Variants in DYSF observed in about 807,000 individuals in gnomAD.
DYSF encodes dysferlin.
In DYSF, 212 loss-of-function variants were observed where a neutral mutation model predicts 274.9. The ratio of observed to expected loss-of-function variants is 0.77; its 90% CI spans 0.69 to 0.86. The LOEUF (loss-of-function observed/expected upper bound fraction) is 0.86, where lower values mean the gene tolerates loss of function less well. Among genes scored for constraint, DYSF ranks in the 40% least tolerant of loss-of-function variants. DYSF has a pLI of 0.00. For synonymous variants in DYSF, 1,091 were observed against 1,078.7 expected (o/e 1.01, Z -0.22); for missense variants, 2,666 against 2,783.2 (o/e 0.96, Z 0.95).
intron 17 of DYSF, among the ~76,000 whole-genome samples, chr2:71,543,466 G>A (rs1176368938): frequency 3.9e-5 from 6 of 152,174 alleles, no homozygotes; most frequent in African/African-American, 1.4e-4. Flanking sequence ...GGTGGCGGCC[G>A]GGCAGAGGCT....
intron 41 of DYSF, among the ~76,000 whole-genome samples, chr2:71,633,721 A>G (rs763478218): frequency 1.3e-5 from 2 of 152,146 alleles, no homozygotes; most frequent in Admixed American, 6.5e-5. Flanking sequence ...AGAGTTGGGC[A>G]TATAGTTCTG....
At chr2:71,549,344 C>T (rs2090752698) in intron 17 of DYSF, 2 of 1,612,332 alleles carry the variant, frequency 1.2e-6, no homozygotes, top group South Asian at 1.1e-5. Context: ...TTTCTTTACG[C>T]TTCAGAGGAG....
chr2:71,495,681 A>G (rs938069257), intron 3 of DYSF, among the ~76,000 whole-genome samples: 21 of 151,970 alleles, frequency 1.4e-4, no homozygotes, highest in Non-Finnish European at 2.5e-4. Flanking sequence ...TGCAGCTAAC[A>G]TGGCTCTCAG....
chr2:71,675,958 T>G (rs922429777), intron 52 of DYSF, among the ~76,000 whole-genome samples: 23 of 152,150 alleles, frequency 1.5e-4, no homozygotes, highest in Admixed American at 4.6e-4. Flanking sequence ...AAACCTAATA[T>G]TCCAAGAACA....
chr2:71,555,480 C>T (rs1354463267), intron 21 of DYSF, among the ~76,000 whole-genome samples: 1 of 152,068 alleles, frequency 6.6e-6, no homozygotes, highest in Admixed American at 6.5e-5. Context: ...GAGCAGGCCA[C>T]AGGAGTTTGA....
At chr2:71,668,946 C>G in intron 49 of DYSF, 104 bp downstream of exon 49, 1 of 1,373,006 alleles carries the variant, frequency 7.3e-7, no homozygotes. Context: ...GGGCTTCAGG[C>G]TATTTGGGCC....
chr2:71,526,352 T>TG lies in DYSF; in HGVS notation c.1276+10dup. On this transcript the variant is annotated splice_region_variant and intron_variant, in intron 13 of 55. Transcript: ENST00000410020. ...GGCCGAGGACTTGCCGCAGAGTGCG[T>TG]GGGGCGCGCCCTTGGGTGGGAGGTC... The TG allele has an allele frequency of 7.6e-7, 1 of 1,322,982 alleles. No individual in the cohort carries two copies. The highest frequency in any genetic ancestry group is 9.9e-7 in the Non-Finnish European group (1 of 1,009,622). The allele number at this position is 1,322,982 out of a possible 1,614,324, so 82.0% of individuals were successfully genotyped here.
intron 32 of DYSF, among the ~76,000 whole-genome samples, chr2:71,596,389 T>C (rs1429343671): frequency 2.6e-5 from 4 of 152,028 alleles, no homozygotes; most frequent in Non-Finnish European, 5.9e-5. Context: ...AAATAAAGCG[T>C]AGGGAAGCAC....
intron 1 of DYSF, among the ~76,000 whole-genome samples, chr2:71,478,500 C>T (rs763940060): frequency 1.4e-4 from 22 of 152,186 alleles, no homozygotes; most frequent in East Asian, 9.7e-4. Context: ...TGTGAGCCAC[C>T]GCGCCCGGCC....
chr2:71,657,064 C>T (rs2094788763), intron 43 of DYSF, among the ~76,000 whole-genome samples: 1 of 152,206 alleles, frequency 6.6e-6, no homozygotes, highest in Non-Finnish European at 1.5e-5. Context: ...TCCCTTCCAC[C>T]TATGAGCCTG....
chr2:71,514,511 C>T (rs112641039), intron 7 of DYSF, among the ~76,000 whole-genome samples: 69 of 152,234 alleles, frequency 4.5e-4, no homozygotes, highest in African/African-American at 1.6e-3. Context: ...TTAATATGAA[C>T]ACTTTGACAC....
chr2:71,642,796 T>G (rs1456770988), intron 41 of DYSF, among the ~76,000 whole-genome samples: 1 of 152,174 alleles, frequency 6.6e-6, no homozygotes, highest in African/African-American at 2.4e-5. Context: ...GGGCACCAGC[T>G]TGTGTTTGCC....
chr2:71,598,434 T>G, intron 32 of DYSF, 130 bp from the exon 33 acceptor site: 1 of 1,107,778 alleles, frequency 9.0e-7, no homozygotes. Flanking sequence ...CATCCCAGCA[T>G]GAATGTTGTT....
intron 16 of DYSF, 71 bp from the exon 17 acceptor site, chr2:71,539,086 A>C: frequency 7.1e-7 from 1 of 1,409,704 alleles, no homozygotes; most frequent in Non-Finnish European, 1.0e-6. Flanking sequence ...CCGAGGCCGC[A>C]TACTTCCTGG....
chr2:71,528,385 G>C lies in DYSF; in HGVS notation c.1364G>C (p.Ser455Thr), dbSNP rs371593605. The C allele has an allele frequency of 2.7e-5, 43 of 1,613,976 alleles. No individual in the cohort carries two copies. In the African/African-American group the frequency reaches 5.2e-4, roughly 20 times the overall value. Reference sequence around the variant, plus strand: ...TTGGTGGACCCCTTTGTGGAGGTCAGCTTTGCGGGGAAAATGGTAAGGAGC... The same window carrying C: ...TTGGTGGACCCCTTTGTGGAGGTCACCTTTGCGGGGAAAATGGTAAGGAGC... ...KNLVDPFVEV[S>T]FAGKMLCSKI... Residue 455 changes from serine to threonine, a missense_variant, in exon 14 of 56, where the codon AGC becomes ACC. This residue lies in a region of DYSF where 794 missense variants were observed against 777.1 expected (regional missense o/e 1.02). Transcript: ENST00000410020.
chr2:71,454,064 C>T, exon 1 of DYSF: 2 of 1,614,138 alleles, frequency 1.2e-6, no homozygotes, highest in East Asian at 2.2e-5. Flanking sequence ...TCAGCGATGC[C>T]TACTGCTCCG....
intron 3 of DYSF, among the ~76,000 whole-genome samples, chr2:71,486,613 C>A (rs2083388653): frequency 6.6e-6 from 1 of 152,102 alleles, no homozygotes; most frequent in African/African-American, 2.4e-5. Context: ...TCCTTTCATG[C>A]CTCAGGAAGG....
At chr2:71,659,913 G>A (rs1157863329) in intron 44 of DYSF, among the ~76,000 whole-genome samples, 1 of 152,280 alleles carries the variant, frequency 6.6e-6, no homozygotes, top group Admixed American at 6.5e-5. Context: ...CCCAGCATGT[G>A]TCCTTCAGGT....
At chr2:71,561,704 G>C (rs1198111650) in intron 22 of DYSF, 48 bp from the exon 23 acceptor site, 1 of 1,610,820 alleles carries the variant, frequency 6.2e-7, no homozygotes, top group East Asian at 2.2e-5. Flanking sequence ...CTGGACCTGG[G>C]AGAGCCCTGG....
Sources: gnomAD v4.1 joint callset for allele counts (sites outside exome capture counted in the v4.1 genomes callset) on GRCh38, gnomAD v4.1.1 for gene constraint, gnomAD v4.1.1 regional missense constraint, MANE v1.5 for transcripts, NCBI Gene and HGNC (gene_info 2026-07-23, HGNC 2026-07-21) for gene names.